KCNC4: variants seen among roughly 807,000 people sequenced by gnomAD.
KCNC4 encodes the protein potassium voltage-gated channel subfamily C member 4.
Under a neutral mutation model 42.8 loss-of-function variants are expected in KCNC4, and 23 were observed. The observed-to-expected ratio is 0.54, with a 90% CI of 0.39 to 0.76. The LOEUF is 0.76. Ranked by LOEUF, KCNC4 falls within the 30% of genes least tolerant of loss-of-function variation. The pLI, the probability that KCNC4 is intolerant of heterozygous loss-of-function variation, is 0.00. For synonymous variants in KCNC4, 422 were observed against 393.5 expected, an observed-to-expected ratio of 1.07 and a Z score of -0.86; for missense variants, 751 against 898.2, an observed-to-expected ratio of 0.84 and a Z score of 2.10.
At chr1:110,281,506 G>A (rs991104856) in intron 1 of KCNC4, among the ~76,000 whole-genome samples, 1 of 151,176 alleles carries the variant, frequency 6.6e-6, no homozygotes, top group Non-Finnish European at 1.5e-5. Context: ...AGGGGGAAGG[G>A]GAATTAGAGG....
intron 1 of KCNC4, among the ~76,000 whole-genome samples, chr1:110,254,541 C>A (rs1286414416): frequency 6.6e-6 from 1 of 152,204 alleles, no homozygotes; most frequent in Non-Finnish European, 1.5e-5. Context: ...GTGTGTGACA[C>A]CTGCTTTTTG....
At chr1:110,254,093 G>T (rs12406163), downstream of KCNC4, among the ~76,000 whole-genome samples, 23 of 127,550 alleles carry the variant, frequency 1.8e-4, 1 homozygote, top group Middle Eastern at 3.6e-3. Flanking sequence ...CAGAAGTCGG[G>T]GGGGGGGCGG....
At chr1:110,213,830 A>G (rs1246745145) in intron 1 of KCNC4, among the ~76,000 whole-genome samples, 1 of 152,182 alleles carries the variant, frequency 6.6e-6, no homozygotes, top group African/African-American at 2.4e-5. Flanking sequence ...GCAGGCACAC[A>G]TCATTCAGAC....
intron 1 of KCNC4, among the ~76,000 whole-genome samples, chr1:110,280,324 C>T (rs1659800238): frequency 6.6e-6 from 1 of 152,060 alleles, no homozygotes; most frequent in South Asian, 2.1e-4. Flanking sequence ...ATTCTGCGTG[C>T]TTGTGCTTGG....
In KCNC4 at chr1:110,217,723, G is replaced by C. The variant is rs115189073; in HGVS notation, c.679-5241G>C. Among the ~76,000 whole-genome samples, 295 of 152,292 alleles carry C rather than the reference G, an allele frequency of 1.9e-3. 2 individuals carry two copies. The highest frequency in any genetic ancestry group is 6.8e-3 in the African/African-American group (282 of 41,566). On this transcript the variant is annotated intron_variant, in intron 1 of 3. Coordinates refer to ENST00000438661, the MANE Select transcript of KCNC4 (RefSeq NM_001039574.3). ...GACCAGAAGGTCCTGGCTCAGCATG[G>C]GGTGGGGGCAGGGCCAGGTCCTGTT...
chr1:110,217,575 G>C (rs1243653096), intron 1 of KCNC4, among the ~76,000 whole-genome samples: 1 of 152,166 alleles, frequency 6.6e-6, no homozygotes, highest in South Asian at 2.1e-4. Context: ...AGTGATCCGG[G>C]CTAGACTGAA....
At chr1:110,234,177 C>G (rs1415030931), downstream of KCNC4, 1 of 152,204 alleles carries the variant, frequency 6.6e-6, no homozygotes, top group Non-Finnish European at 1.5e-5. Context: ...TGGCCTGACC[C>G]CTGCATTTTA....
At chr1:110,220,202 C>T (rs1658017725) in intron 1 of KCNC4, 1 of 152,248 alleles carries the variant, frequency 6.6e-6, no homozygotes, top group African/African-American at 2.4e-5. Context: ...CATGACCACT[C>T]TTTAGCTCCC....
intron 1 of KCNC4, among the ~76,000 whole-genome samples, chr1:110,266,682 CTA>C (rs1659545539): frequency 6.6e-6 from 1 of 152,228 alleles, no homozygotes; most frequent in Admixed American, 6.5e-5. Flanking sequence ...CTGCTCCTAG[CTA>C]TAAGTCTGCC....
intron 3 of KCNC4, 176 bp downstream of exon 3, chr1:110,226,354 A>G: frequency 1.6e-6 from 1 of 643,672 alleles, no homozygotes; most frequent in Non-Finnish European, 2.8e-6. Flanking sequence ...TGGATTAGAA[A>G]GGTCTTCTCC....
At chr1:110,253,927 G>A (rs550168536), downstream of KCNC4, among the ~76,000 whole-genome samples, 7 of 152,150 alleles carry the variant, frequency 4.6e-5, no homozygotes, top group South Asian at 2.1e-4. Context: ...TAGGGCCCCC[G>A]CCCTACTTCA....
intron 1 of KCNC4, among the ~76,000 whole-genome samples, chr1:110,271,380 T>C (rs528855659): frequency 6.6e-6 from 1 of 152,142 alleles, no homozygotes; most frequent in African/African-American, 2.4e-5. Context: ...CACAGTTACA[T>C]TGCTAGTTAG....
exon 4 of KCNC4, chr1:110,241,985 C>T (rs1165612000): frequency 6.6e-6 from 1 of 152,244 alleles, no homozygotes; most frequent in Non-Finnish European, 1.5e-5. Context: ...TAGCTGCCCT[C>T]TGCTGACTTC....
chr1:110,212,087 G>C lies in KCNC4; in HGVS notation c.588G>C (p.Ala196=), dbSNP rs112148004. ...GACTGGGCCCCCACGAGGGAGGCGC[G>C]GGCCATGGCGCCGGGTCTGGGGGCT... The part of the protein sequence containing the change: ...LQRLGPHEGG[A]GHGAGSGGCR... The change falls in exon 1 of 4, where the codon GCG becomes GCC. Residue 196 remains alanine (A), a synonymous_variant. Transcript: ENST00000438661. The C allele has an allele frequency of 6.5e-7, 1 of 1,527,558 alleles. No individual in the cohort carries two copies. The highest frequency in any genetic ancestry group is 8.7e-7 in the Non-Finnish European group (1 of 1,148,220). The allele number at this position is 1,527,558 out of a possible 1,614,324, so 94.6% of individuals were successfully genotyped here. A position where few individuals can be genotyped will look rare whatever the true frequency, so the allele number is the denominator to read the frequency against.
At chr1:110,242,404 A>C (rs967391325) in exon 4 of KCNC4, 1 of 152,266 alleles carries the variant, frequency 6.6e-6, no homozygotes, top group African/African-American at 2.4e-5. Flanking sequence ...CTCCTGCTAC[A>C]TAAGTGGACA....
At chr1:110,277,754 G>A (rs1165018867) in intron 1 of KCNC4, among the ~76,000 whole-genome samples, 1 of 152,196 alleles carries the variant, frequency 6.6e-6, no homozygotes, top group Non-Finnish European at 1.5e-5. Flanking sequence ...ACTCTAAAAG[G>A]TTTTATATAG....
At chr1:110,272,103 C>T (rs1044887272) in intron 1 of KCNC4, among the ~76,000 whole-genome samples, 7 of 152,150 alleles carry the variant, frequency 4.6e-5, no homozygotes, top group Admixed American at 3.9e-4. Flanking sequence ...TGTGATCTGT[C>T]TTGGATTGTA....
chr1:110,222,678 A>C (rs1159551095), intron 1 of KCNC4: 6 of 403,516 alleles, frequency 1.5e-5, no homozygotes, highest in Non-Finnish European at 2.7e-5. Context: ...AGGTGGGCAG[A>C]GCTATCAAAG....
intron 1 of KCNC4, among the ~76,000 whole-genome samples, chr1:110,215,229 C>A (rs1328442196): frequency 6.6e-6 from 1 of 152,252 alleles, no homozygotes; most frequent in East Asian, 1.9e-4. Context: ...CTGTTCCGCT[C>A]AGGCAGGCTC....
Sources: gnomAD v4.1 joint callset for allele counts (sites outside exome capture counted in the v4.1 genomes callset) on GRCh38, gnomAD v4.1.1 for gene constraint, MANE v1.5 for transcripts, NCBI Gene and HGNC (gene_info 2026-07-23, HGNC 2026-07-21) for gene names.